BACH2: variants seen among roughly 807,000 people sequenced by gnomAD.
BACH2 encodes the protein BACH transcriptional regulator 2.
Under a neutral mutation model 61.8 loss-of-function variants are expected in BACH2, and 5 were observed. The observed-to-expected ratio is 0.08, with a 90% CI of 0.04 to 0.17. The LOEUF (loss-of-function observed/expected upper bound fraction) is 0.17, where lower values mean the gene tolerates loss of function less well. Ranked by LOEUF, BACH2 falls within the 10% of genes least tolerant of loss-of-function variation. The pLI is 1.00. For missense variants in BACH2, 824 were observed against 1,091.1 expected, an observed-to-expected ratio of 0.76 and a Z score of 3.45; for synonymous variants, 446 against 440.1, an observed-to-expected ratio of 1.01 and a Z score of -0.17.
chr6:90,003,550 G>A (rs751866817), intron 6 of BACH2, among the ~76,000 whole-genome samples: 16 of 152,140 alleles, frequency 1.1e-4, no homozygotes, highest in African/African-American at 3.1e-4. Context: ...AGCTAGGTTC[G>A]CCTAGCACCT....
intron 4 of BACH2, among the ~76,000 whole-genome samples, chr6:90,099,465 A>G (rs1042606723): frequency 6.6e-6 from 1 of 152,142 alleles, no homozygotes; most frequent in Non-Finnish European, 1.5e-5. Flanking sequence ...TGCATCCTCG[A>G]ACTCTTGGGC....
Position 90,294,312 on chromosome 6 carries a change from T to C in BACH2, c.-446+2168A>G, listed in dbSNP as rs956819050. Reference sequence around the variant, plus strand: ...AAACGAAAATACGGCTCTGCACCAATAAAGTTATGTTCTAACAAAAATACT... The same window carrying C: ...AAACGAAAATACGGCTCTGCACCAACAAAGTTATGTTCTAACAAAAATACT... On this transcript the variant is annotated intron_variant, in intron 1 of 8. Transcript: ENST00000257749. 3.3e-5 allele frequency among the ~76,000 whole-genome samples: 5 copies of C among 151,746 alleles called. No individual in the cohort carries two copies. The South Asian group carries it at 1.0e-3, about 32-fold the overall frequency.
chr6:90,086,735 T>C (rs1192464345), intron 5 of BACH2, among the ~76,000 whole-genome samples: 3 of 152,156 alleles, frequency 2.0e-5, no homozygotes, highest in Non-Finnish European at 2.9e-5. Context: ...ACAGGAACAC[T>C]GGATGTGTAA....
At chr6:90,287,069 C>T (rs956271769) in intron 1 of BACH2, among the ~76,000 whole-genome samples, 2 of 152,180 alleles carry the variant, frequency 1.3e-5, no homozygotes, top group Non-Finnish European at 2.9e-5. Flanking sequence ...AAGACAGTTC[C>T]ACAGACTGGC....
intron 6 of BACH2, among the ~76,000 whole-genome samples, chr6:89,964,573 T>A (rs1346185657): frequency 6.6e-6 from 1 of 152,248 alleles, no homozygotes; most frequent in South Asian, 2.1e-4. Flanking sequence ...TGTACTCTTA[T>A]TAATTCCTTT....
chr6:90,167,858 T>G (rs1370129849), intron 4 of BACH2, among the ~76,000 whole-genome samples: 1 of 152,242 alleles, frequency 6.6e-6, no homozygotes, highest in Non-Finnish European at 1.5e-5. Context: ...GAGGTAGGCT[T>G]GTAAACTTGG....
At chr6:90,243,395 T>C (rs1041501164) in intron 3 of BACH2, among the ~76,000 whole-genome samples, 2 of 152,186 alleles carry the variant, frequency 1.3e-5, no homozygotes, top group East Asian at 3.8e-4. Flanking sequence ...CAAACTGTAG[T>C]TCAGACTTTG....
rs749150426 is a variant in BACH2, at chr6:89,950,758, C to A, written c.1348G>T (p.Gly450Trp). The change falls in exon 7 of 9, where the codon GGG (glycine) becomes TGG (tryptophan). Residue 450 changes from glycine (G) to tryptophan (W), a missense_variant. Physicochemically the swap from Gly to Trp is radical, Grantham distance 184. This residue lies in a region of BACH2 where 102 missense variants were observed against 98.1 expected (regional missense o/e 1.04). Transcript: ENST00000257749. This position sits in a 1 kb window ranked among gnomAD's most constrained non-coding sequence, Gnocchi z 5.3. ...QVSTSVHSYS[G>W]VSSLDKDLSE... The stretch of plus-strand genomic sequence containing the variant: ...AGGTCTTTGTCCAAACTGCTCACCC[C>A]AGAATAAGAATGCACCGAGGTGCTC... The A allele has an allele frequency of 6.2e-7, 1 of 1,614,144 alleles. No individual in the cohort carries two copies. The highest frequency in any genetic ancestry group is 1.7e-5 in the Admixed American group (1 of 60,030).
intron 5 of BACH2, among the ~76,000 whole-genome samples, chr6:90,020,370 C>T (rs748164374): frequency 4.6e-5 from 7 of 152,126 alleles, no homozygotes; most frequent in Non-Finnish European, 8.8e-5. Context: ...GCCCTGCCCT[C>T]ATGGATTAAT....
intron 6 of BACH2, among the ~76,000 whole-genome samples, chr6:89,960,948 A>G (rs1178574607): frequency 6.6e-6 from 1 of 152,214 alleles, no homozygotes; most frequent in Non-Finnish European, 1.5e-5. Context: ...GAACAGGAGA[A>G]GGTCCCAAAA....
chr6:90,292,487 A>C (rs978033412), intron 1 of BACH2, among the ~76,000 whole-genome samples: 1 of 152,236 alleles, frequency 6.6e-6, no homozygotes, highest in Non-Finnish European at 1.5e-5. Context: ...ATTCACCTGC[A>C]AGGAATCACA....
At chr6:90,212,762 G>A (rs1012607228) in intron 3 of BACH2, among the ~76,000 whole-genome samples, 1 of 152,142 alleles carries the variant, frequency 6.6e-6, no homozygotes, top group African/African-American at 2.4e-5. Context: ...GGAAACAAGA[G>A]GATTATAAAT....
At chr6:90,069,932 C>T (rs1421897132) in intron 5 of BACH2, among the ~76,000 whole-genome samples, 1 of 152,118 alleles carries the variant, frequency 6.6e-6, no homozygotes, top group Non-Finnish European at 1.5e-5. Flanking sequence ...AGAGAACCTT[C>T]GGAGAACTTG....
intron 5 of BACH2, among the ~76,000 whole-genome samples, chr6:90,017,074 C>G (rs986541274): frequency 1.3e-5 from 2 of 152,108 alleles, no homozygotes; most frequent in Non-Finnish European, 2.9e-5. Flanking sequence ...TTTTGGCCAT[C>G]ATTTTTTCAA....
intron 6 of BACH2, among the ~76,000 whole-genome samples, chr6:89,962,423 G>A (rs866942575): frequency 1.3e-5 from 2 of 152,014 alleles, no homozygotes; most frequent in South Asian, 2.1e-4. Context: ...TCATCTTTAC[G>A]CTCCAAAGAG....
intron 6 of BACH2, among the ~76,000 whole-genome samples, chr6:89,973,056 C>T (rs1272477301): frequency 6.6e-6 from 1 of 152,178 alleles, no homozygotes; most frequent in Non-Finnish European, 1.5e-5. Context: ...TGCCACTGCA[C>T]TCCAGCCTGG....
At chr6:90,295,618 G>C in intron 1 of BACH2, among the ~76,000 whole-genome samples, 1 of 152,086 alleles carries the variant, frequency 6.6e-6, no homozygotes, top group African/African-American at 2.4e-5. Flanking sequence ...CCAGTCTCCT[G>C]GGTGAAGCTT....
At chr6:90,258,728 A>G (rs1224688357) in intron 2 of BACH2, among the ~76,000 whole-genome samples, 1 of 150,710 alleles carries the variant, frequency 6.6e-6, no homozygotes, top group Admixed American at 6.6e-5. Context: ...TTTGTGCTTA[A>G]TTTCTTTCAT....
chr6:90,137,028 T>G (rs770679951), intron 4 of BACH2, among the ~76,000 whole-genome samples: 1 of 152,072 alleles, frequency 6.6e-6, no homozygotes, highest in Non-Finnish European at 1.5e-5. Context: ...GCATGTCATG[T>G]CATCCTGTGA....
Sources: gnomAD v4.1 joint callset for allele counts (sites outside exome capture counted in the v4.1 genomes callset) on GRCh38, gnomAD v4.1.1 for gene constraint, gnomAD v4.1.1 regional missense constraint, Gnocchi (gnomAD v3.1) non-coding constraint, MANE v1.5 for transcripts, NCBI Gene and HGNC (gene_info 2026-07-23, HGNC 2026-07-21) for gene names.